LRRIQ1: variants seen among roughly 807,000 people sequenced by gnomAD.
LRRIQ1 encodes leucine rich repeats and IQ motif containing 1, also known as leucine-rich repeat- and IQ domain-containing protein 1.
A neutral mutation model predicts 211.9 loss-of-function variants in LRRIQ1; 210 were observed. The ratio of observed to expected loss-of-function variants is 0.99; its 90% CI spans 0.89 to 1.11. The LOEUF is 1.11. Among genes scored for constraint, LRRIQ1 ranks in the 50% most tolerant of loss-of-function variants. The pLI is 0.00. For missense variants in LRRIQ1, 2,136 were observed against 1,939.5 expected, an observed-to-expected ratio of 1.10 and a Z score of -1.90; for synonymous variants, 699 against 650.1, an observed-to-expected ratio of 1.08 and a Z score of -1.14.
chr12:85,064,939 A>T (rs1379506036), intron 8 of LRRIQ1, among the ~76,000 whole-genome samples: 1 of 151,840 alleles, frequency 6.6e-6, no homozygotes, highest in Non-Finnish European at 1.5e-5. Context: ...GCTGTGTAGT[A>T]TAATTTGAAG....
At chr12:85,065,920 G>A (rs1341581650) in intron 9 of LRRIQ1, among the ~76,000 whole-genome samples, 1 of 151,820 alleles carries the variant, frequency 6.6e-6, no homozygotes, top group African/African-American at 2.4e-5. Context: ...TTCTTTCCAG[G>A]GTGCTTATAG....
chr12:85,172,064 G>A (rs951906344), intron 24 of LRRIQ1, among the ~76,000 whole-genome samples: 1 of 152,074 alleles, frequency 6.6e-6, no homozygotes, highest in African/African-American at 2.4e-5. Context: ...AGCAAAGCAC[G>A]CATACCACCC....
At chr12:85,102,693 A>C (rs1212535663) in intron 13 of LRRIQ1, among the ~76,000 whole-genome samples, 1 of 151,438 alleles carries the variant, frequency 6.6e-6, no homozygotes, top group Non-Finnish European at 1.5e-5. Flanking sequence ...TGAGAATATA[A>C]AAATAAGAGA....
intron 6 of LRRIQ1, 58 bp downstream of exon 6, chr12:85,047,528 T>C: frequency 7.1e-7 from 1 of 1,398,896 alleles, no homozygotes; most frequent in East Asian, 2.3e-5. Context: ...CTGAAGAATA[T>C]TGATATTTGG....
intron 11 of LRRIQ1, among the ~76,000 whole-genome samples, chr12:85,084,400 T>C (rs1399539980): frequency 6.6e-6 from 1 of 152,164 alleles, no homozygotes; most frequent in Non-Finnish European, 1.5e-5. Flanking sequence ...ACTTTTTCTA[T>C]ATAAGTAAAT....
chr12:85,090,900 A>G (rs1036429440), intron 11 of LRRIQ1, among the ~76,000 whole-genome samples: 2 of 152,080 alleles, frequency 1.3e-5, no homozygotes. Flanking sequence ...CAACTTGGTT[A>G]TTTGTTCCTG....
chr12:85,066,734 G>T lies in LRRIQ1; in HGVS notation c.2545-14G>T. The stretch of plus-strand genomic sequence containing the variant: ...CATTGAAATAAAACTAATTACATTT[G>T]TTCTTTGCTTCAGGAAAACCATATT... On this transcript the variant is annotated splice_polypyrimidine_tract_variant and intron_variant, in intron 9 of 26. Transcript: ENST00000393217. The T allele has an allele frequency of 6.3e-7, 1 of 1,577,822 alleles. No homozygotes were observed. The highest frequency in any genetic ancestry group is 1.9e-5 in the Admixed American group (1 of 52,174).
intron 23 of LRRIQ1, among the ~76,000 whole-genome samples, chr12:85,159,068 A>G (rs1220914207): frequency 6.6e-6 from 1 of 152,064 alleles, no homozygotes; most frequent in East Asian, 1.9e-4. Context: ...TGCTGATGCA[A>G]TCAGAATGAC....
intron 8 of LRRIQ1, 95 bp downstream of exon 8, chr12:85,057,279 A>G (rs1881234784): frequency 1.0e-6 from 1 of 977,088 alleles, no homozygotes; most frequent in East Asian, 3.0e-5. Context: ...TATTTTGTAT[A>G]CAAGAATTGT....
rs1157427709 is a variant in LRRIQ1, at chr12:85,056,620, G to T, written c.1827G>T (p.Val609=). The T allele has an allele frequency of 6.3e-7, 1 of 1,594,554 alleles. No individual in the cohort carries two copies. Among genetic ancestry groups the T allele is most frequent in the Admixed American group, 1.8e-5 (1 of 56,438 alleles). The change falls in exon 8 of 27, where the codon GTG becomes GTT. Residue 609 remains valine (V), a synonymous_variant. Coordinates refer to ENST00000393217, the MANE Select transcript of LRRIQ1 (RefSeq NM_001079910.2). ...YKDKDTLVIS[V]KQRSLSLTSE... is the part of the protein sequence containing the mutation. ...ATAAGGATACTTTAGTTATTTCAGT[G>T]AAACAAAGATCACTCTCACTAACAT...
chr12:85,055,706 C>A lies in LRRIQ1; in HGVS notation c.913C>A (p.Pro305Thr). Residue 305 changes from proline to threonine, a missense_variant, in exon 8 of 27, where the codon CCA (proline) becomes ACA (threonine). Coordinates refer to ENST00000393217, the MANE Select transcript of LRRIQ1 (RefSeq NM_001079910.2). ...KAFVAYQKYGPIIKEQIESKK... is the reference protein window; with the variant it reads ...KAFVAYQKYGTIIKEQIESKK... ...ATTTGTTGCCTATCAAAAATATGGCCCAATTATTAAAGAGCAAATTGAAAG... is the reference window on the plus strand; with the variant it reads ...ATTTGTTGCCTATCAAAAATATGGCACAATTATTAAAGAGCAAATTGAAAG... The A allele has an allele frequency of 6.2e-7, 1 of 1,606,984 alleles. No homozygotes were observed. Among genetic ancestry groups the A allele is most frequent in the Non-Finnish European group, 8.5e-7 (1 of 1,177,470 alleles).
intron 15 of LRRIQ1, among the ~76,000 whole-genome samples, chr12:85,115,828 TTAAA>T (rs542569181): frequency 5.7e-4 from 87 of 152,282 alleles, no homozygotes; most frequent in Non-Finnish European, 1.0e-3. Flanking sequence ...ATATTTTTTA[TTAAA>T]TAAAATATGC....
At position 85,160,590 on chromosome 12, in the gene LRRIQ1, CCTTT is replaced by C. The variant is rs1379794381; in HGVS notation, c.4721-19_4721-16del. On this transcript the variant is annotated intron_variant, in intron 23 of 26. Coordinates refer to ENST00000393217, the MANE Select transcript of LRRIQ1 (RefSeq NM_001079910.2). The stretch of plus-strand genomic sequence containing the variant: ...GAATTAACCAAAGATGAACTCTGCT[CCTTT>C]CTTATTCGTTTTGTTTAGATTCCAC... 7.0e-7 allele frequency: 1 copy of C among 1,431,440 alleles called. No individual in the cohort carries two copies. Among genetic ancestry groups the C allele is most frequent in the East Asian group, 2.3e-5 (1 of 43,684 alleles). 88.7% of individuals were successfully genotyped at this position (1,431,440 alleles called of 1,614,324 possible). A position where few individuals can be genotyped will look rare whatever the true frequency, so the allele number is the denominator to read the frequency against.
chr12:85,083,564 C>G (rs369843710), intron 11 of LRRIQ1, among the ~76,000 whole-genome samples: 1 of 151,838 alleles, frequency 6.6e-6, no homozygotes, highest in Non-Finnish European at 1.5e-5. Context: ...CTCAGCCTCC[C>G]GAGTAGCTGG....
intron 24 of LRRIQ1, among the ~76,000 whole-genome samples, chr12:85,180,503 T>G (rs1891924795): frequency 6.6e-6 from 1 of 151,894 alleles, no homozygotes; most frequent in African/African-American, 2.4e-5. Context: ...TTCAACCTAA[T>G]GGTTAGGAGA....
chr12:85,224,359 A>G (rs1053558238), intron 24 of LRRIQ1, among the ~76,000 whole-genome samples: 2 of 152,082 alleles, frequency 1.3e-5, no homozygotes, highest in African/African-American at 4.8e-5. Flanking sequence ...CAGAAATACC[A>G]TTTGACCCAG....
At chr12:85,214,174 G>A (rs867840580) in intron 24 of LRRIQ1, among the ~76,000 whole-genome samples, 44 of 150,586 alleles carry the variant, frequency 2.9e-4, no homozygotes, top group Middle Eastern at 3.4e-3. Flanking sequence ...CATCTAACAA[G>A]AGATGCATAA....
intron 24 of LRRIQ1, among the ~76,000 whole-genome samples, chr12:85,207,887 A>G (rs1248688131): frequency 6.6e-6 from 1 of 152,012 alleles, no homozygotes; most frequent in Non-Finnish European, 1.5e-5. Context: ...CCACTGGTCT[A>G]TTTGTATATT....
At chr12:85,184,941 A>G (rs371014560) in intron 24 of LRRIQ1, among the ~76,000 whole-genome samples, 8 of 151,994 alleles carry the variant, frequency 5.3e-5, no homozygotes, top group African/African-American at 1.9e-4. Flanking sequence ...TGAAATTGAC[A>G]CTTAGCCTGA....
Sources: gnomAD v4.1 joint callset for allele counts (sites outside exome capture counted in the v4.1 genomes callset) on GRCh38, gnomAD v4.1.1 for gene constraint, MANE v1.5 for transcripts, NCBI Gene and HGNC (gene_info 2026-07-23, HGNC 2026-07-21) for gene names.